Variants in GRIK1 observed in about 807,000 individuals in gnomAD.
GRIK1 encodes the protein glutamate receptor ionotropic, kainate 1.
GRIK1 carries 69 observed loss-of-function variants against 105.7 expected under a neutral mutation model. That is an observed-to-expected ratio of 0.65 (90% CI 0.54 to 0.80). The LOEUF is 0.80. GRIK1 is among the 30% of genes least tolerant of loss of function. GRIK1 has a pLI of 0.00. For synonymous variants in GRIK1, 438 were observed against 431.3 expected (o/e 1.02, Z -0.19); for missense variants, 1,109 against 1,167.3 (o/e 0.95, Z 0.73).
At position 29,606,018 on chromosome 21, in the gene GRIK1, CAAA is replaced by C. The variant is rs34512911; in HGVS notation, c.1099-7084_1099-7082del. On this transcript the variant is annotated intron_variant, in intron 7 of 17. Coordinates refer to ENST00000327783, the MANE Select transcript of GRIK1 (RefSeq NM_001330994.2). ...AACTTATAAAAACTTGAAAATGAAG[CAAA>C]AAAAAAAAAAAAAGATTGTGTGACC... is the stretch of plus-strand genomic sequence containing the variant. Among the ~76,000 whole-genome samples the C allele has an allele frequency of 7.8e-3, 997 of 127,992 alleles. 6 individuals carry two copies. Among genetic ancestry groups the C allele is most frequent in the Middle Eastern group, 0.032 (7 of 222 alleles). The allele number at this position is 127,992 out of a possible 152,430, so 84.0% of individuals were successfully genotyped here.
At chr21:29,537,928 T>A in intron 16 of GRIK1, 44 bp from the exon 17 acceptor site, 1 of 923,820 alleles carries the variant, frequency 1.1e-6, no homozygotes, top group Non-Finnish European at 1.7e-6. Context: ...AATTGTACAT[T>A]TTCTCCAAAA....
At chr21:29,862,357 G>T (rs924747634) in intron 1 of GRIK1, among the ~76,000 whole-genome samples, 2 of 151,960 alleles carry the variant, frequency 1.3e-5, no homozygotes, top group Non-Finnish European at 2.9e-5. Flanking sequence ...AGGCTATTTT[G>T]TACCTCACAT....
At chr21:29,799,222 CTTAATTTTATAA>C (rs1399907263) in intron 1 of GRIK1, among the ~76,000 whole-genome samples, 9 of 152,300 alleles carry the variant, frequency 5.9e-5, no homozygotes, top group Admixed American at 3.3e-4. Flanking sequence ...ATCTGTCTTG[CTTAATTTTATAA>C]TTAGAAGAAC....
intron 7 of GRIK1, among the ~76,000 whole-genome samples, chr21:29,609,198 T>C (rs965542861): frequency 6.6e-6 from 1 of 151,714 alleles, no homozygotes; most frequent in African/African-American, 2.4e-5. Context: ...ATTAAAAGAA[T>C]AAAAAGATTC....
At chr21:29,734,414 TTC>T (rs1206980579) in intron 1 of GRIK1, among the ~76,000 whole-genome samples, 1 of 18,264 alleles carries the variant, frequency 5.5e-5, no homozygotes, top group African/African-American at 8.5e-5. Flanking sequence ...TTCTTTTCTT[TTC>T]TTTTCTTTTT....
intron 7 of GRIK1, among the ~76,000 whole-genome samples, chr21:29,624,625 A>G (rs1157139923): frequency 6.6e-6 from 1 of 152,258 alleles, no homozygotes; most frequent in Non-Finnish European, 1.5e-5. Flanking sequence ...GTAAAAGCCA[A>G]CAATGAATGT....
At position 29,577,105 on chromosome 21, in the gene GRIK1, A is replaced by G; in HGVS notation, c.1989T>C (p.Ile663=). The change falls in exon 14 of 18, where the codon ATT becomes ATC. Residue 663 remains isoleucine, a synonymous_variant. Coordinates refer to ENST00000327783, the MANE Select transcript of GRIK1 (RefSeq NM_001330994.2). ...GIWWFFTLII[I]SSYTANLAAF... is the part of the protein sequence containing the mutation. ...CAGCCAGATTGGCCGTGTAGGATGA[A>G]ATGATGATTAGGGTGAAAAACCACC... 6.2e-7 allele frequency: 1 copy of G among 1,612,770 alleles called. No individual in the cohort carries two copies. The highest frequency in any genetic ancestry group is 8.5e-7 in the Non-Finnish European group (1 of 1,178,770).
intron 1 of GRIK1, among the ~76,000 whole-genome samples, chr21:29,818,213 C>T (rs1397357778): frequency 1.3e-5 from 2 of 151,962 alleles, no homozygotes; most frequent in East Asian, 3.9e-4. Flanking sequence ...TATTGTCTGG[C>T]CAAATCCAAA....
intron 1 of GRIK1, among the ~76,000 whole-genome samples, chr21:29,776,744 GA>G (rs1351127280): frequency 2.0e-5 from 3 of 152,194 alleles, no homozygotes; most frequent in Admixed American, 2.0e-4. Flanking sequence ...ACTTTTCAAT[GA>G]AAACCTCTTT....
chr21:29,854,809 T>C (rs1187431847), intron 1 of GRIK1, among the ~76,000 whole-genome samples: 4 of 152,226 alleles, frequency 2.6e-5, no homozygotes, highest in Non-Finnish European at 5.9e-5. Flanking sequence ...TCTTTCACTC[T>C]TCCTTGATCA....
chr21:29,612,054 A>T (rs191233424), intron 7 of GRIK1, among the ~76,000 whole-genome samples: 1 of 152,300 alleles, frequency 6.6e-6, no homozygotes, highest in Admixed American at 6.5e-5. Context: ...CAATGTCACA[A>T]GGCTAGAATG....
chr21:29,839,318 G>C (rs142694777), intron 1 of GRIK1, among the ~76,000 whole-genome samples: 1 of 152,162 alleles, frequency 6.6e-6, no homozygotes, highest in Non-Finnish European at 1.5e-5. Flanking sequence ...CCAAAGTGCT[G>C]GGATTACAGG....
At chr21:29,824,224 T>C (rs907908402) in intron 1 of GRIK1, among the ~76,000 whole-genome samples, 2 of 152,052 alleles carry the variant, frequency 1.3e-5, no homozygotes, top group Non-Finnish European at 2.9e-5. Flanking sequence ...TACCATCTCA[T>C]CATTATTTAT....
chr21:29,864,782 T>C (rs1268011690), intron 1 of GRIK1, among the ~76,000 whole-genome samples: 1 of 152,232 alleles, frequency 6.6e-6, no homozygotes, highest in Non-Finnish European at 1.5e-5. Flanking sequence ...TATGTGGAAC[T>C]AGAAGCTCTG....
Position 29,642,827 on chromosome 21 carries a change from T to A in GRIK1, c.1097A>T (p.Glu366Val), listed in dbSNP as rs767364816. ...GGGCTGTGAGGGAGCATCACTTGCCTCTTTGATCAGGTTCATAAATCTGGG... is the reference window on the plus strand; with the variant it reads ...GGGCTGTGAGGGAGCATCACTTGCCACTTTGATCAGGTTCATAAATCTGGG... ...LGPRFMNLIK[E>V]ARWDGLTGHI... is the part of the protein sequence containing the mutation. The change falls in exon 7 of 18, where the codon GAG becomes GTG. Residue 366 changes from glutamate (E) to valine (V), a missense_variant and splice_region_variant. Around this residue, in one of 5 missense-constraint regions of GRIK1, gnomAD observed 612 missense variants for 586.0 expected, o/e 1.04. Coordinates refer to ENST00000327783, the MANE Select transcript of GRIK1 (RefSeq NM_001330994.2). The A allele has an allele frequency of 6.2e-7, 1 of 1,614,062 alleles. No homozygotes were observed. Among genetic ancestry groups the A allele is most frequent in the Non-Finnish European group, 8.5e-7 (1 of 1,179,918 alleles).
At chr21:29,689,530 C>T (rs551066600) in intron 3 of GRIK1, among the ~76,000 whole-genome samples, 198 bp downstream of exon 3, 51 of 152,002 alleles carry the variant, frequency 3.4e-4, no homozygotes, top group Non-Finnish European at 5.3e-4. Context: ...ATAAAAGGAT[C>T]GTTAGAAAGG....
chr21:29,729,865 A>G (rs1302617728), intron 1 of GRIK1, among the ~76,000 whole-genome samples: 1 of 152,212 alleles, frequency 6.6e-6, no homozygotes, highest in Non-Finnish European at 1.5e-5. Flanking sequence ...GATTCTGAAG[A>G]GCAGTTTTGG....
intron 13 of GRIK1, among the ~76,000 whole-genome samples, chr21:29,580,122 C>CAT (rs567522161): frequency 1.6e-4 from 23 of 141,014 alleles, no homozygotes; most frequent in African/African-American, 6.0e-4. Flanking sequence ...CATATATACA[C>CAT]ATATACACAC....
intron 14 of GRIK1, among the ~76,000 whole-genome samples, chr21:29,566,920 G>C (rs1472935425): frequency 1.3e-5 from 2 of 152,126 alleles, no homozygotes; most frequent in African/African-American, 4.8e-5. Context: ...CAAACTCAAG[G>C]CTTGGCTAAT....
Sources: allele counts gnomAD v4.1 joint callset (sites outside exome capture counted in the v4.1 genomes callset), GRCh38; gene constraint gnomAD v4.1.1; regional missense constraint gnomAD v4.1.1; transcripts MANE v1.5; gene names NCBI Gene and HGNC (gene_info 2026-07-23, HGNC 2026-07-21).